SSBP2: variants seen among roughly 807,000 people sequenced by gnomAD.
The protein encoded by SSBP2 is single stranded DNA binding protein 2.
SSBP2 carries 17 observed loss-of-function variants against 61.8 expected under a neutral mutation model. The ratio of observed to expected loss-of-function variants is 0.28; its 90% confidence interval spans 0.19 to 0.41. The LOEUF (loss-of-function observed/expected upper bound fraction) is 0.41. SSBP2 is among the 10% of genes least tolerant of loss of function. SSBP2 has a pLI of 1.00. For missense variants in SSBP2, 310 were observed against 458.7 expected, an observed-to-expected ratio of 0.68 and a Z score of 2.96; for synonymous variants, 139 against 141.3, an observed-to-expected ratio of 0.98 and a Z score of 0.12.
chr5:81,588,249 C>T (rs1775227826), intron 4 of SSBP2, among the ~76,000 whole-genome samples: 1 of 152,070 alleles, frequency 6.6e-6, no homozygotes, highest in African/African-American at 2.4e-5. Flanking sequence ...GGCTGAAAGA[C>T]AATTATTGAC....
intron 12 of SSBP2, 93 bp downstream of exon 12, chr5:81,446,775 G>A: frequency 8.0e-7 from 1 of 1,253,002 alleles, no homozygotes; most frequent in African/African-American, 1.5e-5. Context: ...GTGAGAACAT[G>A]AATACTACTA....
chr5:81,611,971 C>CT (rs1745493992), intron 4 of SSBP2, among the ~76,000 whole-genome samples: 1 of 151,938 alleles, frequency 6.6e-6, no homozygotes, highest in Non-Finnish European at 1.5e-5. Context: ...TTAAAAATTT[C>CT]TTAAGAGGGT....
chr5:81,481,151 G>A (rs928926104), intron 6 of SSBP2, among the ~76,000 whole-genome samples: 6 of 152,136 alleles, frequency 3.9e-5, no homozygotes, highest in African/African-American at 1.2e-4. Flanking sequence ...GTCTGAATCA[G>A]CTTCTTCCAA....
intron 3 of SSBP2, among the ~76,000 whole-genome samples, chr5:81,635,152 A>G (rs1404276590): frequency 6.6e-6 from 1 of 152,206 alleles, no homozygotes; most frequent in Admixed American, 6.5e-5. Context: ...TGAAACTTTA[A>G]AAGATACCAC....
chr5:81,690,176 G>T (rs1451321922), intron 1 of SSBP2, among the ~76,000 whole-genome samples: 1 of 151,974 alleles, frequency 6.6e-6, no homozygotes, highest in African/African-American at 2.4e-5. Flanking sequence ...AGACAGGAAG[G>T]AAGAAAAGAA....
At chr5:81,593,449 T>C (rs933381777) in intron 4 of SSBP2, among the ~76,000 whole-genome samples, 1 of 152,126 alleles carries the variant, frequency 6.6e-6, no homozygotes, top group Non-Finnish European at 1.5e-5. Context: ...TTCCCCAATC[T>C]ACCAAGGCAG....
chr5:81,629,811 T>A (rs947869392), intron 3 of SSBP2, among the ~76,000 whole-genome samples: 11 of 152,230 alleles, frequency 7.2e-5, no homozygotes, highest in African/African-American at 2.7e-4. Flanking sequence ...CTAATTAACA[T>A]ATTCATCACC....
intron 9 of SSBP2, 35 bp downstream of exon 9, chr5:81,466,939 C>G: frequency 1.6e-6 from 2 of 1,260,762 alleles, no homozygotes. Context: ...ATATCATCCA[C>G]GTAATAATGT....
chr5:81,600,883 C>T (rs1744298986), intron 4 of SSBP2, among the ~76,000 whole-genome samples: 1 of 152,020 alleles, frequency 6.6e-6, no homozygotes, highest in African/African-American at 2.4e-5. Context: ...TTTAGAAATG[C>T]CTTCTTTATA....
chr5:81,574,073 G>A (rs6869839), intron 4 of SSBP2, among the ~76,000 whole-genome samples: 7,966 of 152,000 alleles, frequency 0.052, 389 homozygotes, highest in African/African-American at 0.12. Flanking sequence ...TCCAGGAGAC[G>A]GAGCTTGCAG....
intron 1 of SSBP2, among the ~76,000 whole-genome samples, chr5:81,662,374 G>C (rs1750765979): frequency 6.6e-6 from 1 of 152,176 alleles, no homozygotes; most frequent in African/African-American, 2.4e-5. Flanking sequence ...GGCTGAGGCA[G>C]AAGAATCGCT....
intron 1 of SSBP2, among the ~76,000 whole-genome samples, chr5:81,686,965 C>A (rs1027493561): frequency 6.6e-6 from 1 of 151,616 alleles, no homozygotes; most frequent in Non-Finnish European, 1.5e-5. Context: ...GAAGCATCCA[C>A]CCATTGTCCT....
chr5:81,571,453 A>T (rs1773834671), intron 4 of SSBP2, among the ~76,000 whole-genome samples: 1 of 152,180 alleles, frequency 6.6e-6, no homozygotes, highest in Non-Finnish European at 1.5e-5. Context: ...AAACAGAAAC[A>T]TATTACCATG....
At chr5:81,427,147 A>C (rs542609788) in intron 16 of SSBP2, among the ~76,000 whole-genome samples, 40 of 152,354 alleles carry the variant, frequency 2.6e-4, no homozygotes, top group African/African-American at 9.1e-4. Context: ...TTACTCGAAA[A>C]GGAAATAAAT....
chr5:81,512,651 T>A (rs1223310886), intron 5 of SSBP2, among the ~76,000 whole-genome samples: 2 of 152,190 alleles, frequency 1.3e-5, no homozygotes, highest in Non-Finnish European at 2.9e-5. Flanking sequence ...TAAGACCTTT[T>A]ATTCAACTGA....
At position 81,466,961 on chromosome 5, in the gene SSBP2, T is replaced by C. The variant is rs370497896; in HGVS notation, c.638+13A>G. The C allele has an allele frequency of 1.7e-5, 27 of 1,555,888 alleles. No individual in the cohort carries two copies. The highest frequency in any genetic ancestry group is 2.3e-5 in the Non-Finnish European group (26 of 1,129,684). Reference sequence around the variant, plus strand: ...CCACGTAATAATGTAGTATATGATATAACATTGCTTACATGTTCATTCCAG... The same window carrying C: ...CCACGTAATAATGTAGTATATGATACAACATTGCTTACATGTTCATTCCAG... On this transcript the variant is annotated intron_variant, in intron 9 of 16. Transcript: ENST00000320672.
rs115163643 is a variant in SSBP2 at position 81,590,843 on chromosome 5, T to C, written c.282+24630A>G. On this transcript the variant is annotated intron_variant, in intron 4 of 16. Coordinates refer to ENST00000320672, the MANE Select transcript of SSBP2 (RefSeq NM_012446.5). ...ATCCATTACAGCTGTGGGAAAACAG[T>C]AGAATAACCTCCAGCCCTGGGGAAG... Among the ~76,000 whole-genome samples the C allele has an allele frequency of 8.5e-3, 1,296 of 152,248 alleles. 12 individuals carry two copies. Among genetic ancestry groups the C allele is most frequent in the African/African-American group, 0.029 (1,208 of 41,546 alleles).
intron 1 of SSBP2, among the ~76,000 whole-genome samples, chr5:81,682,021 A>G (rs2153815843): frequency 6.6e-6 from 1 of 152,298 alleles, no homozygotes; most frequent in South Asian, 2.1e-4. Flanking sequence ...GAAGAAACAG[A>G]CCACCTGAAT....
At chr5:81,591,468 C>CA (rs1775496342) in intron 4 of SSBP2, among the ~76,000 whole-genome samples, 1 of 152,014 alleles carries the variant, frequency 6.6e-6, no homozygotes, top group South Asian at 2.1e-4. Flanking sequence ...ACTGATACAA[C>CA]AAAGTTATTG....
Sources: gnomAD v4.1 joint callset for allele counts (sites outside exome capture counted in the v4.1 genomes callset) on GRCh38, gnomAD v4.1.1 for gene constraint, MANE v1.5 for transcripts, NCBI Gene and HGNC (gene_info 2026-07-23, HGNC 2026-07-21) for gene names.